TNR: variants seen among roughly 807,000 people sequenced by gnomAD.
TNR encodes tenascin-R.
Under a neutral mutation model 150.4 loss-of-function variants are expected in TNR, and 45 were observed. That is an observed-to-expected ratio of 0.30 (90% confidence interval 0.24 to 0.38). TNR has a LOEUF of 0.38. Among genes scored for constraint, TNR ranks in the 10% least tolerant of loss-of-function variants. The pLI, the probability that TNR is intolerant of heterozygous loss-of-function variation, is 1.00. For missense variants in TNR, 1,544 were observed against 1,759.1 expected, an observed-to-expected ratio of 0.88 and a Z score of 2.19; for synonymous variants, 687 against 678.4, an observed-to-expected ratio of 1.01 and a Z score of -0.20.
At position 175,507,262 on chromosome 1, in the gene TNR, C is replaced by T. The variant is rs141337402; in HGVS notation, c.-64+21007G>A. ...GCTATGATGCACCCTCAGTGCCACACGAGATTTCATGGGTTGCCTGGGAAT... is the reference window on the plus strand; with the variant it reads ...GCTATGATGCACCCTCAGTGCCACATGAGATTTCATGGGTTGCCTGGGAAT... On this transcript the variant is annotated intron_variant, in intron 2 of 22. Coordinates refer to ENST00000367674, the MANE Select transcript of TNR (RefSeq NM_003285.3). Among the ~76,000 whole-genome samples, 64 of 152,268 alleles carry T rather than the reference C, an allele frequency of 4.2e-4. 1 individual carries two copies. In the East Asian group the frequency reaches 0.01, roughly 24 times the overall value.
intron 19 of TNR, among the ~76,000 whole-genome samples, 172 bp from the exon 20 acceptor site, chr1:175,335,979 G>A (rs1236001350): frequency 6.6e-6 from 1 of 152,216 alleles, no homozygotes; most frequent in Non-Finnish European, 1.5e-5. Flanking sequence ...TATTTACACA[G>A]CAGTTTTTGT....
intron 22 of TNR, 77 bp downstream of exon 22, chr1:175,324,278 GC>G: frequency 6.9e-7 from 1 of 1,453,266 alleles, no homozygotes; most frequent in Non-Finnish European, 9.2e-7. Flanking sequence ...ACTCACATGT[GC>G]TTTTAAAATA....
chr1:175,679,845 C>T (rs76482899), intron 1 of TNR, among the ~76,000 whole-genome samples: 3,159 of 152,316 alleles, frequency 0.021, 58 homozygotes, highest in Non-Finnish European at 0.031. Context: ...TTCCATTGCT[C>T]TGACTTCTGT....
chr1:175,650,864 C>T (rs1188695193), intron 1 of TNR, among the ~76,000 whole-genome samples: 3 of 118,500 alleles, frequency 2.5e-5, no homozygotes, highest in African/African-American at 6.9e-5. Context: ...CATCTCCCAC[C>T]TCATTCCTCC....
intron 1 of TNR, among the ~76,000 whole-genome samples, chr1:175,554,837 T>C (rs1280569181): frequency 6.6e-6 from 1 of 152,194 alleles, no homozygotes; most frequent in Non-Finnish European, 1.5e-5. Context: ...CATAAAACCA[T>C]TGGGAGTTAG....
At chr1:175,487,222 C>A (rs1658054557) in intron 2 of TNR, among the ~76,000 whole-genome samples, 1 of 152,154 alleles carries the variant, frequency 6.6e-6, no homozygotes, top group Admixed American at 6.5e-5. Context: ...AACCTACAGC[C>A]CTCGAATGTG....
At chr1:175,570,343 G>T (rs1053282060) in intron 1 of TNR, among the ~76,000 whole-genome samples, 1 of 152,162 alleles carries the variant, frequency 6.6e-6, no homozygotes, top group Non-Finnish European at 1.5e-5. Flanking sequence ...GAGGGCAGTT[G>T]GGGTGCGGAG....
At chr1:175,645,487 C>A (rs1664784564) in intron 1 of TNR, among the ~76,000 whole-genome samples, 1 of 152,162 alleles carries the variant, frequency 6.6e-6, no homozygotes, top group Non-Finnish European at 1.5e-5. Flanking sequence ...ATATTAAATT[C>A]TAAGAGGAAT....
chr1:175,559,487 C>T (rs1661330050), intron 1 of TNR, among the ~76,000 whole-genome samples: 2 of 152,176 alleles, frequency 1.3e-5, no homozygotes, highest in African/African-American at 4.8e-5. Context: ...ACCTAGCCCT[C>T]CCTTTCCACT....
intron 11 of TNR, among the ~76,000 whole-genome samples, 175 bp from the exon 12 acceptor site, chr1:175,365,454 C>T (rs1282551589): frequency 6.6e-6 from 1 of 152,140 alleles, no homozygotes; most frequent in Non-Finnish European, 1.5e-5. Flanking sequence ...CCACTTTTTC[C>T]AATCCAAATA....
At chr1:175,588,515 C>T (rs1270637168) in intron 1 of TNR, among the ~76,000 whole-genome samples, 1 of 152,142 alleles carries the variant, frequency 6.6e-6, no homozygotes, top group East Asian at 1.9e-4. Flanking sequence ...ACAAATGTTT[C>T]ATGTCTTTTT....
chr1:175,566,729 C>T lies in TNR; in HGVS notation c.-164-38360G>A, dbSNP rs577688799. Among the ~76,000 whole-genome samples the T allele has an allele frequency of 4.6e-5, 7 of 152,344 alleles. No homozygotes were observed. The South Asian group carries it at 6.2e-4, about 14-fold the overall frequency. On this transcript the variant is annotated intron_variant, in intron 1 of 22. Coordinates refer to ENST00000367674, the MANE Select transcript of TNR (RefSeq NM_003285.3). ...GCAGCTGCTGAATGAGGCATGCTCA[C>T]GTTCTGATTCCCCAGATTAATCAAC... is the stretch of plus-strand genomic sequence containing the variant.
chr1:175,642,547 G>T (rs1174847026), intron 1 of TNR, among the ~76,000 whole-genome samples: 1 of 152,156 alleles, frequency 6.6e-6, no homozygotes, highest in African/African-American at 2.4e-5. Flanking sequence ...TAGAGGAAGG[G>T]CTGAGGTTGG....
intron 2 of TNR, among the ~76,000 whole-genome samples, chr1:175,423,246 T>C (rs887494955): frequency 6.6e-6 from 1 of 151,944 alleles, no homozygotes; most frequent in Admixed American, 6.6e-5. Flanking sequence ...GGGCCAGAGG[T>C]TCATTATGGG....
chr1:175,716,832 T>C (rs1220686123), intron 1 of TNR, among the ~76,000 whole-genome samples: 1 of 152,234 alleles, frequency 6.6e-6, no homozygotes, highest in South Asian at 2.1e-4. Context: ...ATTTGCTACA[T>C]GCAACCAACT....
intron 1 of TNR, among the ~76,000 whole-genome samples, chr1:175,620,369 G>A (rs1351022004): frequency 6.6e-6 from 1 of 152,206 alleles, no homozygotes; most frequent in Non-Finnish European, 1.5e-5. Flanking sequence ...AGAGAACTGG[G>A]TAGACGAAAC....
chr1:175,669,486 C>T (rs1319015137), intron 1 of TNR, among the ~76,000 whole-genome samples: 1 of 152,228 alleles, frequency 6.6e-6, no homozygotes, highest in Non-Finnish European at 1.5e-5. Context: ...AGCGCCATTG[C>T]ACCAAGGTTC....
intron 2 of TNR, among the ~76,000 whole-genome samples, chr1:175,471,184 G>A (rs1474545944): frequency 1.3e-5 from 2 of 152,204 alleles, no homozygotes; most frequent in Non-Finnish European, 2.9e-5. Context: ...GCCGGGCTGA[G>A]TAATGAACTC....
chr1:175,683,035 G>T (rs1487451428), intron 1 of TNR, among the ~76,000 whole-genome samples: 1 of 152,128 alleles, frequency 6.6e-6, no homozygotes, highest in Non-Finnish European at 1.5e-5. Flanking sequence ...GAGCTTGGGG[G>T]CAAGGATTGG....
Sources: gnomAD v4.1 joint callset for allele counts (sites outside exome capture counted in the v4.1 genomes callset) on GRCh38, gnomAD v4.1.1 for gene constraint, MANE v1.5 for transcripts, NCBI Gene and HGNC (gene_info 2026-07-23, HGNC 2026-07-21) for gene names.